GSAP: variants seen among roughly 807,000 people sequenced by gnomAD.
GSAP encodes the protein gamma-secretase activating protein.
A neutral mutation model predicts 131.7 loss-of-function variants in GSAP; 118 were observed. That is an observed-to-expected ratio of 0.90 (90% CI 0.77 to 1.04). GSAP has a LOEUF of 1.04. GSAP is among the 50% of genes least tolerant of loss of function. The pLI is 0.00. For missense variants in GSAP, 1,019 were observed against 1,013.2 expected (o/e 1.01, Z -0.08); for synonymous variants, 381 against 363.4 (o/e 1.05, Z -0.55).
At chr7:77,370,279 G>A (rs1303118458) in intron 12 of GSAP, among the ~76,000 whole-genome samples, 2 of 152,096 alleles carry the variant, frequency 1.3e-5, no homozygotes, top group Admixed American at 6.5e-5. Context: ...CCAACATGGC[G>A]AAACCCCGTC....
At chr7:77,347,650 T>G (rs1792110518) in intron 19 of GSAP, among the ~76,000 whole-genome samples, 1 of 152,142 alleles carries the variant, frequency 6.6e-6, no homozygotes, top group Non-Finnish European at 1.5e-5. Context: ...ATTATAAGTT[T>G]ACATAGCAAC....
rs747023550 is a variant in GSAP at position 77,311,825 on chromosome 7, C to T, written c.2473+16G>A. 5.1e-6 allele frequency: 6 copies of T among 1,182,804 alleles called. No individual in the cohort carries two copies. In the South Asian group the frequency reaches 6.1e-5, roughly 12 times the overall value. The allele number at this position is 1,182,804 out of a possible 1,614,324, so 73.3% of individuals were successfully genotyped here. A position where few individuals can be genotyped will look rare whatever the true frequency, so the allele number is the denominator to read the frequency against. On this transcript the variant is annotated intron_variant, in intron 30 of 30. Transcript: ENST00000257626. ...GGGAAAAGTGGTAAGACCCTGAGAACAGGGGAGTAAATTACCTTGATTGGA... is the reference window on the plus strand; with the variant it reads ...GGGAAAAGTGGTAAGACCCTGAGAATAGGGGAGTAAATTACCTTGATTGGA...
rs1794301130 is a variant in GSAP at position 77,311,103 on chromosome 7, A to T, written c.*255T>A. 2.8e-6 allele frequency: 1 copy of T among 361,532 alleles called. No homozygotes were observed. The highest frequency in any genetic ancestry group is 4.2e-5 in the Admixed American group (1 of 23,960). The allele number at this position is 361,532 out of a possible 1,614,324, so 22.4% of individuals were successfully genotyped here. On this transcript the variant is annotated 3_prime_UTR_variant, in exon 31 of 31. Transcript: ENST00000257626. The stretch of plus-strand genomic sequence containing the variant: ...GGCCTATTAAGCTACTAGGAAGAGC[A>T]TCGTTTATGCCACTGTATGCCTTCT...
intron 21 of GSAP, 84 bp downstream of exon 21, chr7:77,329,249 A>C (rs1788732326): frequency 1.4e-6 from 1 of 722,730 alleles, no homozygotes; most frequent in Non-Finnish European, 2.3e-6. Flanking sequence ...AAAGTAAACT[A>C]CTTCTATAAA....
In GSAP at chr7:77,363,697, A is replaced by G. The variant is rs530210544; in HGVS notation, c.872-1037T>C. Among the ~76,000 whole-genome samples the G allele has an allele frequency of 1.5e-4, 23 of 152,342 alleles. 1 individual carries two copies. In the South Asian group the frequency reaches 4.1e-3, roughly 27 times the overall value. On this transcript the variant is annotated intron_variant, in intron 12 of 30. Transcript: ENST00000257626. ...TTATGACTTTTTAATGACATTTAAC[A>G]CTGCAAAGTATTGTCAGCAGTACAT...
intron 3 of GSAP, among the ~76,000 whole-genome samples, chr7:77,397,668 T>G (rs1031734215): frequency 3.3e-5 from 5 of 152,188 alleles, no homozygotes; most frequent in African/African-American, 1.2e-4. Context: ...GCATAGACAT[T>G]GGAGCCCAGC....
rs754170143 is a variant in GSAP at position 77,387,396 on chromosome 7, C to G, written c.420G>C (p.Lys140Asn). ...LVEIHPVNNVKVLKAVDSYIW... is the reference protein window; with the variant it reads ...LVEIHPVNNVNVLKAVDSYIW... Reference sequence around the variant, plus strand: ...TATAGCTATCCACAGCCTTTAGAACCTTCACATTGTTAACAGGGTGGATTT... The same window carrying G: ...TATAGCTATCCACAGCCTTTAGAACGTTCACATTGTTAACAGGGTGGATTT... Residue 140 changes from lysine to asparagine, a missense_variant, in exon 6 of 31, where the codon AAG becomes AAC. Transcript: ENST00000257626. 1.9e-6 allele frequency: 3 copies of G among 1,603,484 alleles called. No homozygotes were observed. In the East Asian group the frequency reaches 6.7e-5, roughly 36 times the overall value.
At chr7:77,372,969 G>A (rs1563056456) in intron 12 of GSAP, among the ~76,000 whole-genome samples, 1 of 152,168 alleles carries the variant, frequency 6.6e-6, no homozygotes, top group Non-Finnish European at 1.5e-5. Context: ...GATGAGTACA[G>A]CTGAGGGATA....
intron 2 of GSAP, among the ~76,000 whole-genome samples, chr7:77,405,337 C>T (rs1295400243): frequency 6.6e-6 from 1 of 152,198 alleles, no homozygotes; most frequent in African/African-American, 2.4e-5. Context: ...AAAGTCCTAA[C>T]ATATCTACGT....
At chr7:77,372,701 A>G (rs187850475) in intron 12 of GSAP, among the ~76,000 whole-genome samples, 14 of 152,354 alleles carry the variant, frequency 9.2e-5, no homozygotes, top group Non-Finnish European at 5.9e-5. Context: ...TTTGAACTTT[A>G]CAGCGAGCTT....
chr7:77,384,368 TTTTC>T (rs1223198394), intron 6 of GSAP, among the ~76,000 whole-genome samples: 3 of 152,164 alleles, frequency 2.0e-5, no homozygotes, highest in Non-Finnish European at 4.4e-5. Context: ...TAGGTGTTGT[TTTTC>T]TTTCTATTAT....
intron 28 of GSAP, among the ~76,000 whole-genome samples, chr7:77,312,945 T>A (rs558208908): frequency 6.6e-6 from 1 of 152,318 alleles, no homozygotes; most frequent in Admixed American, 6.5e-5. Flanking sequence ...GATATTCCCT[T>A]GTGTTTCTCA....
chr7:77,344,110 G>A (rs753533295), intron 19 of GSAP, among the ~76,000 whole-genome samples: 4 of 152,118 alleles, frequency 2.6e-5, no homozygotes, highest in African/African-American at 7.2e-5. Flanking sequence ...CAGGGTCTGC[G>A]AAGGCCACCG....
At chr7:77,372,903 T>C (rs547475441) in intron 12 of GSAP, among the ~76,000 whole-genome samples, 1 of 152,278 alleles carries the variant, frequency 6.6e-6, no homozygotes, top group South Asian at 2.1e-4. Context: ...TACATATCCT[T>C]CAAGTCTCTA....
At chr7:77,362,359 C>T (rs561976938) in intron 13 of GSAP, among the ~76,000 whole-genome samples, 40 of 152,000 alleles carry the variant, frequency 2.6e-4, no homozygotes, top group Non-Finnish European at 4.0e-4. Context: ...TGATGGCACA[C>T]GCCTGTAGTC....
At chr7:77,393,506 A>T (rs1418422450) in intron 5 of GSAP, among the ~76,000 whole-genome samples, 3 of 151,898 alleles carry the variant, frequency 2.0e-5, no homozygotes, top group Non-Finnish European at 4.4e-5. Flanking sequence ...GCAAGTCCAA[A>T]ATGAAACTCT....
At chr7:77,359,126 C>A (rs10953210) in intron 14 of GSAP, among the ~76,000 whole-genome samples, 1 of 151,756 alleles carries the variant, frequency 6.6e-6, no homozygotes, top group African/African-American at 2.4e-5. Context: ...CCTTGAACCC[C>A]GGAGGCGGAA....
intron 26 of GSAP, among the ~76,000 whole-genome samples, chr7:77,316,699 CT>C (rs764246341): frequency 3.3e-5 from 5 of 152,168 alleles, no homozygotes; most frequent in Non-Finnish European, 5.9e-5. Context: ...CTAAAGGTCC[CT>C]GATGACCCTT....
chr7:77,377,269 TGAAC>T lies in GSAP; in HGVS notation c.681+13_681+16del. On this transcript the variant is annotated intron_variant, in intron 9 of 30. Transcript: ENST00000257626. ...AAAAAAAAAAAAAAAGGAGTGCCCGTGAACTAGTTTTTTTACCTTCAGGTCAATG... is the reference window on the plus strand; with the variant it reads ...AAAAAAAAAAAAAAAGGAGTGCCCGTTAGTTTTTTTACCTTCAGGTCAATG... The T allele has an allele frequency of 9.4e-7, 1 of 1,064,818 alleles. No individual in the cohort carries two copies. The highest frequency in any genetic ancestry group is 3.1e-5 in the Admixed American group (1 of 32,522). The allele number at this position is 1,064,818 out of a possible 1,614,324, so 66.0% of individuals were successfully genotyped here.
Sources: allele counts gnomAD v4.1 joint callset (sites outside exome capture counted in the v4.1 genomes callset), GRCh38; gene constraint gnomAD v4.1.1; transcripts MANE v1.5; gene names NCBI Gene and HGNC (gene_info 2026-07-23, HGNC 2026-07-21).